The following CKLF variants were observed in gnomAD, a reference collection of about 807,000 sequenced individuals.
The protein encoded by CKLF is chemokine-like factor.
CKLF carries 16 observed loss-of-function variants against 12.9 expected under a neutral mutation model. The observed-to-expected ratio is 1.24, with a 90% CI of 0.84 to 1.88. The LOEUF (loss-of-function observed/expected upper bound fraction) is 1.88. CKLF is among the 40% of genes most tolerant of loss of function. The pLI, the probability that CKLF is intolerant of heterozygous loss-of-function variation, is 0.00. For missense variants in CKLF, 172 were observed against 188.5 expected (o/e 0.91, Z 0.51); for synonymous variants, 61 against 69.0 (o/e 0.88, Z 0.57).
chr16:66,563,701 T>C (rs1404165403), intron 3 of CKLF, among the ~76,000 whole-genome samples: 1 of 152,204 alleles, frequency 6.6e-6, no homozygotes, highest in Non-Finnish European at 1.5e-5. Flanking sequence ...TAAGAGAACA[T>C]TGGCAGGGCA....
chr16:66,564,435 G>A (rs1322769739), intron 3 of CKLF, among the ~76,000 whole-genome samples: 1 of 151,706 alleles, frequency 6.6e-6, no homozygotes, highest in Non-Finnish European at 1.5e-5. Flanking sequence ...GACATACTGA[G>A]CTAAATATAT....
chr16:66,560,182 A>G (rs1180391803), intron 2 of CKLF, among the ~76,000 whole-genome samples: 3 of 152,182 alleles, frequency 2.0e-5, no homozygotes, highest in African/African-American at 7.2e-5. Context: ...AAGCAGCAGC[A>G]TATGTGAGGG....
At position 66,558,176 on chromosome 16, in the gene CKLF, T is replaced by A; in HGVS notation, c.79-14T>A. ...CAGTTGTCACTGAATAAATCGTGGG[T>A]TTTTTTCTTCTAGGCACTAACTGTG... On this transcript the variant is annotated splice_polypyrimidine_tract_variant and intron_variant, in intron 1 of 3. Transcript: ENST00000264001. 6.2e-7 allele frequency: 1 copy of A among 1,603,344 alleles called. No individual in the cohort carries two copies. The highest frequency in any genetic ancestry group is 8.5e-7 in the Non-Finnish European group (1 of 1,177,762).
Position 66,565,927 on chromosome 16 carries a change from G to A in CKLF, c.375G>A (p.Gly125=), listed in dbSNP as rs144099542. The A allele has an allele frequency of 6.2e-7, 1 of 1,614,084 alleles. No individual in the cohort carries two copies. The change falls in exon 4 of 4, where the codon GGG becomes GGA. Residue 125 remains glycine (G), a synonymous_variant. Coordinates refer to ENST00000264001, the MANE Select transcript of CKLF (RefSeq NM_016951.4). ...CAGCAGTATGCTGTCTTGCCGACGG[G>A]GCCCTTATTTACCGGAAGCTTCTGT... ...LVTAVCCLAD[G]ALIYRKLLFN... is the part of the protein sequence containing the mutation.
At chr16:66,565,803 T>C (rs1177882588) in intron 3 of CKLF, 83 bp from the exon 4 acceptor site, 1 of 1,290,344 alleles carries the variant, frequency 7.7e-7, no homozygotes, top group African/African-American at 1.5e-5. Context: ...GAGAGGAATC[T>C]GGTGGGCAGA....
At position 66,565,882 on chromosome 16, in the gene CKLF, C is replaced by T. The variant is rs1210498108; in HGVS notation, c.334-4C>T. 14 of 1,613,688 alleles carry T rather than the reference C, an allele frequency of 8.7e-6. No individual in the cohort carries two copies. Among genetic ancestry groups the T allele is most frequent in the Admixed American group, 1.7e-5 (1 of 60,000 alleles). On this transcript the variant is annotated splice_region_variant and splice_polypyrimidine_tract_variant and intron_variant, in intron 3 of 3. Coordinates refer to ENST00000264001, the MANE Select transcript of CKLF (RefSeq NM_016951.4). Reference sequence around the variant, plus strand: ...AGGGCAGTGACACTTGTCTTTCTTTCCAGGTGTTTGCACTTGTGACAGCAG... The same window carrying T: ...AGGGCAGTGACACTTGTCTTTCTTTTCAGGTGTTTGCACTTGTGACAGCAG...
chr16:66,553,459 A>G (rs1014473803), intron 1 of CKLF: 3 of 152,272 alleles, frequency 2.0e-5, no homozygotes, highest in African/African-American at 7.2e-5. Context: ...TACCGGGAGC[A>G]CTGCAGTCAC....
At chr16:66,565,509 A>C in intron 3 of CKLF, 1 of 190,292 alleles carries the variant, frequency 5.3e-6, no homozygotes, top group Non-Finnish European at 1.1e-5. Context: ...GTTTGTCAGT[A>C]GAGAAGTCAG....
At chr16:66,566,195 C>CG, downstream of CKLF, 1 of 1,524,556 alleles carries the variant, frequency 6.6e-7, no homozygotes, top group South Asian at 1.2e-5. The surrounding 1 kb of genome is among the most constrained non-coding windows in gnomAD (Gnocchi z 4.9). Context: ...TCGGGTTTTC[C>CG]GGCACCCGGG....
intron 2 of CKLF, among the ~76,000 whole-genome samples, chr16:66,560,798 TACACACACACACACAC>T (rs58084691): frequency 3.3e-3 from 468 of 143,754 alleles, no homozygotes; most frequent in South Asian, 0.023. Flanking sequence ...AAGATAAGTA[TACACACACACACACAC>T]ACACACACAC....
At chr16:66,552,937 G>A in intron 1 of CKLF, 144 bp downstream of exon 1, 2 of 1,154,192 alleles carry the variant, frequency 1.7e-6, no homozygotes, top group Admixed American at 4.1e-5. Flanking sequence ...CCTCCTTGGG[G>A]AAGAAGGAGA....
At chr16:66,558,442 G>C (rs1038563675) in intron 2 of CKLF, 94 bp downstream of exon 2, 11 of 1,494,682 alleles carry the variant, frequency 7.4e-6, no homozygotes, top group Non-Finnish European at 9.8e-6. Context: ...AAACCTTTAA[G>C]GTAATCTCTG....
At chr16:66,554,328 A>G (rs372580430) in intron 1 of CKLF, among the ~76,000 whole-genome samples, 13 of 152,366 alleles carry the variant, frequency 8.5e-5, no homozygotes, top group African/African-American at 2.9e-4. Flanking sequence ...AGGTGTCAGA[A>G]AAAAGCTCTT....
chr16:66,555,576 A>C (rs1186801577), intron 1 of CKLF, among the ~76,000 whole-genome samples: 1 of 152,220 alleles, frequency 6.6e-6, no homozygotes, highest in Non-Finnish European at 1.5e-5. Flanking sequence ...AGCAAATGTG[A>C]AAAAAGGATC....
At chr16:66,555,218 C>A in intron 1 of CKLF, among the ~76,000 whole-genome samples, 1 of 152,152 alleles carries the variant, frequency 6.6e-6, no homozygotes, top group East Asian at 1.9e-4. Context: ...GCCTGGGTGA[C>A]AAAGTGAGCC....
intron 3 of CKLF, among the ~76,000 whole-genome samples, chr16:66,564,927 TG>T (rs1488518013): frequency 7.9e-5 from 12 of 152,082 alleles, no homozygotes; most frequent in Non-Finnish European, 1.8e-4. Context: ...GAGACACAAG[TG>T]GAAACCGCTG....
At position 66,560,668 on chromosome 16, in the gene CKLF, A is replaced by T. The variant is rs138053375; in HGVS notation, c.237+2320A>T. Among the ~76,000 whole-genome samples the T allele has an allele frequency of 4.9e-3, 742 of 152,212 alleles. 5 individuals carry two copies. Among genetic ancestry groups the T allele is most frequent in the Non-Finnish European group, 8.5e-3 (575 of 68,014 alleles). On this transcript the variant is annotated intron_variant, in intron 2 of 3. Transcript: ENST00000264001. Reference sequence around the variant, plus strand: ...AGAGAGAGCTGAAGGTAAAACTGGGAAACGCCAACATATGAGATGAGGAGT... The same window carrying T: ...AGAGAGAGCTGAAGGTAAAACTGGGTAACGCCAACATATGAGATGAGGAGT...
At chr16:66,565,002 G>A (rs2012103984) in intron 3 of CKLF, among the ~76,000 whole-genome samples, 1 of 152,030 alleles carries the variant, frequency 6.6e-6, no homozygotes, top group Non-Finnish European at 1.5e-5. Context: ...TCTGGCAGTG[G>A]AATTGCTGTT....
chr16:66,560,798 T>TACACAC (rs58084691), intron 2 of CKLF, among the ~76,000 whole-genome samples: 2,535 of 143,706 alleles, frequency 0.018, 36 homozygotes, highest in East Asian at 0.045. Flanking sequence ...AAGATAAGTA[T>TACACAC]ACACACACAC....
Sources: gnomAD v4.1 joint callset for allele counts (sites outside exome capture counted in the v4.1 genomes callset) on GRCh38, gnomAD v4.1.1 for gene constraint, Gnocchi (gnomAD v3.1) non-coding constraint, MANE v1.5 for transcripts, NCBI Gene and HGNC (gene_info 2026-07-23, HGNC 2026-07-21) for gene names.